Variants in PCDHA7 observed in about 807,000 individuals in gnomAD.
PCDHA7 encodes protocadherin alpha 7, also known as protocadherin alpha-7.
In PCDHA7, 37 loss-of-function variants were observed where a neutral mutation model predicts 57.2. That is an observed-to-expected ratio of 0.65 (90% confidence interval 0.50 to 0.85). The LOEUF (loss-of-function observed/expected upper bound fraction) is 0.85, where lower values mean the gene tolerates loss of function less well. Ranked by LOEUF, PCDHA7 falls within the 40% of genes least tolerant of loss-of-function variation. PCDHA7 has a pLI of 0.00. For synonymous variants in PCDHA7, 553 were observed against 558.8 expected, an observed-to-expected ratio of 0.99 and a Z score of 0.15; for missense variants, 1,188 against 1,241.8, an observed-to-expected ratio of 0.96 and a Z score of 0.65.
chr5:140,935,554 GA>G (rs2090429733), intron 1 of PCDHA7, among the ~76,000 whole-genome samples: 1 of 152,134 alleles, frequency 6.6e-6, no homozygotes, highest in Non-Finnish European at 1.5e-5. Flanking sequence ...AAGTATCTTG[GA>G]AAAGTTCCTC....
intron 1 of PCDHA7, among the ~76,000 whole-genome samples, chr5:140,878,373 T>G (rs944129613): frequency 2.2e-4 from 34 of 152,258 alleles, no homozygotes; most frequent in African/African-American, 8.0e-4. Flanking sequence ...TGACATATGA[T>G]GAATGATTTT....
At chr5:140,996,791 A>G (rs2153942087) in intron 3 of PCDHA7, among the ~76,000 whole-genome samples, 1 of 152,316 alleles carries the variant, frequency 6.6e-6, no homozygotes, top group Non-Finnish European at 1.5e-5. Context: ...CTCACTCCCT[A>G]CATCCAATCA....
chr5:140,894,197 A>C (rs1378272032), intron 1 of PCDHA7, among the ~76,000 whole-genome samples: 1 of 152,008 alleles, frequency 6.6e-6, no homozygotes, highest in Non-Finnish European at 1.5e-5. Context: ...TATTTTTTCT[A>C]TGCTATTATA....
intron 1 of PCDHA7, chr5:140,870,947 G>T: frequency 1.2e-6 from 2 of 1,613,700 alleles, no homozygotes; most frequent in Non-Finnish European, 1.7e-6. Context: ...CCGGCGGCGG[G>T]CGGCTCGCGC....
At chr5:140,860,700 G>C (rs573827394) in intron 1 of PCDHA7, 1 of 152,300 alleles carries the variant, frequency 6.6e-6, no homozygotes, top group South Asian at 2.1e-4. Flanking sequence ...ACAGGATATT[G>C]TTGTTCTCCA....
chr5:140,907,408 C>T (rs2073363118), intron 1 of PCDHA7, among the ~76,000 whole-genome samples: 1 of 152,118 alleles, frequency 6.6e-6, no homozygotes. Flanking sequence ...TGTGGAATAC[C>T]ACGATGGTGG....
intron 3 of PCDHA7, among the ~76,000 whole-genome samples, chr5:141,000,351 G>GTC: frequency 1.5e-5 from 1 of 66,852 alleles, no homozygotes; most frequent in Non-Finnish European, 2.9e-5. Flanking sequence ...CTCTCTCTCT[G>GTC]TCTCTCTCTG....
chr5:140,882,997 C>T, intron 1 of PCDHA7: 1 of 1,614,062 alleles, frequency 6.2e-7, no homozygotes, highest in East Asian at 2.2e-5. Context: ...CGGAATTTTA[C>T]CAATCCGTTT....
chr5:140,842,292 A>C (rs2150333564), intron 1 of PCDHA7: 1 of 1,610,470 alleles, frequency 6.2e-7, no homozygotes, highest in African/African-American at 1.3e-5. Context: ...GACGCCACGG[A>C]CAAAGGCCAT....
intron 1 of PCDHA7, chr5:140,850,485 A>G: frequency 1.3e-6 from 2 of 1,597,954 alleles, no homozygotes; most frequent in Non-Finnish European, 1.7e-6. Context: ...GGCCACGGCC[A>G]CTGTGCTGGT....
At chr5:140,934,547 C>A (rs2089905916) in intron 1 of PCDHA7, among the ~76,000 whole-genome samples, 1 of 152,124 alleles carries the variant, frequency 6.6e-6, no homozygotes, top group African/African-American at 2.4e-5. Flanking sequence ...CTAATTCTAT[C>A]ATTTCTTCTT....
rs1554135734 is a variant in PCDHA7, at chr5:140,836,206, C to T, written c.1823C>T (p.Ser608Leu). The change falls in exon 1 of 4, where the codon TCG becomes TTG. Residue 608 changes from serine (S) to leucine (L), a missense_variant. Physicochemically the swap from Ser to Leu is moderately radical, Grantham distance 145. Transcript: ENST00000525929. ...DADSGYNAWL[S>L]YELQPVAAGA... ...GACTCAGGCTACAACGCGTGGCTTT[C>T]GTATGAGTTGCAACCGGTGGCGGCC... The T allele has an allele frequency of 1.9e-6, 3 of 1,613,832 alleles. No individual in the cohort carries two copies. Among genetic ancestry groups the T allele is most frequent in the South Asian group, 2.2e-5 (2 of 91,070 alleles).
intron 1 of PCDHA7, among the ~76,000 whole-genome samples, chr5:140,975,269 T>A (rs1348655604): frequency 1.3e-5 from 2 of 152,252 alleles, no homozygotes; most frequent in African/African-American, 4.8e-5. Context: ...CTGATTTCTG[T>A]CTCTGACCTC....
rs543675270 is a variant in PCDHA7 at position 140,877,484 on chromosome 5, A to G, written c.2355+40746A>G. 2.3e-5 allele frequency: 37 copies of G among 1,613,814 alleles called. No individual in the cohort carries two copies. The highest frequency in any genetic ancestry group is 3.1e-5 in the Non-Finnish European group (36 of 1,179,856). On this transcript the variant is annotated intron_variant, in intron 1 of 3. Transcript: ENST00000525929. ...GCCACGGTGCTGGTGTCGCTGGTGG[A>G]GAACGGCCAGGCCCCAAAGACGTCG...
intron 3 of PCDHA7, among the ~76,000 whole-genome samples, chr5:141,007,395 C>CAAAAAAAAA (rs35800918): frequency 8.4e-5 from 8 of 94,856 alleles, no homozygotes; most frequent in East Asian, 2.9e-4. Context: ...TACTAAAATA[C>CAAAAAAAAA]AAAAAAAAAA....
chr5:140,883,289 C>T, intron 1 of PCDHA7: 2 of 1,614,022 alleles, frequency 1.2e-6, no homozygotes, highest in African/African-American at 1.3e-5. Context: ...GGTGGAAGTA[C>T]TAGATGTAAA....
At chr5:140,948,292 A>G (rs1174586168) in intron 1 of PCDHA7, among the ~76,000 whole-genome samples, 1 of 151,576 alleles carries the variant, frequency 6.6e-6, no homozygotes, top group Non-Finnish European at 1.5e-5. Flanking sequence ...AATTTTGTAA[A>G]GAATATCTTT....
At chr5:140,997,225 C>T (rs1554255781) in intron 3 of PCDHA7, among the ~76,000 whole-genome samples, 1 of 152,090 alleles carries the variant, frequency 6.6e-6, no homozygotes, top group African/African-American at 2.4e-5. Context: ...CTATCATTAC[C>T]ACCCAACTTC....
chr5:140,858,425 C>T lies in PCDHA7; in HGVS notation c.2355+21687C>T, dbSNP rs373682195. 1.3e-5 allele frequency: 20 copies of T among 1,552,580 alleles called. 2 individuals are homozygous for T. The highest frequency in any genetic ancestry group is 1.8e-5 in the Non-Finnish European group (20 of 1,140,698). On this transcript the variant is annotated intron_variant, in intron 1 of 3. Transcript: ENST00000525929. ...GGAAGATCAGTCTATTGGAGGGGAC[C>T]ACTCTAGGAAGGTGGGTTATTACGT...
Sources: gnomAD v4.1 joint callset for allele counts (sites outside exome capture counted in the v4.1 genomes callset) on GRCh38, gnomAD v4.1.1 for gene constraint, MANE v1.5 for transcripts, NCBI Gene and HGNC (gene_info 2026-07-23, HGNC 2026-07-21) for gene names.